Variants in CBFA2T2 observed in about 807,000 individuals in gnomAD.
CBFA2T2 encodes CBFA2/RUNX1 partner transcriptional co-repressor 2, also known as protein CBFA2T2.
A neutral mutation model predicts 62.2 loss-of-function variants in CBFA2T2; 11 were observed. The ratio of observed to expected loss-of-function variants is 0.18; its 90% CI spans 0.11 to 0.29. The LOEUF (loss-of-function observed/expected upper bound fraction) is 0.29. Ranked by LOEUF, CBFA2T2 falls within the 10% of genes least tolerant of loss-of-function variation. The probability of loss-of-function intolerance (pLI) is 1.00; values close to 1 mark genes in which losing one functional copy is unlikely to be tolerated. For synonymous variants in CBFA2T2, 295 were observed against 287.5 expected, an observed-to-expected ratio of 1.03 and a Z score of -0.27; for missense variants, 592 against 774.1, an observed-to-expected ratio of 0.76 and a Z score of 2.79.
chr20:33,509,822 C>CTT (rs779240592), intron 1 of CBFA2T2, among the ~76,000 whole-genome samples: 8 of 142,018 alleles, frequency 5.6e-5, no homozygotes, highest in African/African-American at 1.5e-4. Flanking sequence ...GAGTAAAACT[C>CTT]TTTTTTTTTT....
chr20:33,503,447 G>A (rs1283818151), intron 1 of CBFA2T2, among the ~76,000 whole-genome samples: 2 of 151,754 alleles, frequency 1.3e-5, no homozygotes, highest in African/African-American at 4.8e-5. Context: ...TAGAGACGGG[G>A]TTTCACCATG....
chr20:33,565,173 C>T (rs551985307), intron 1 of CBFA2T2, among the ~76,000 whole-genome samples: 1 of 152,316 alleles, frequency 6.6e-6, no homozygotes, highest in Non-Finnish European at 1.5e-5. Flanking sequence ...CCCGCCTTGG[C>T]CTCCCAAAGT....
chr20:33,622,335 A>C (rs564819613), intron 4 of CBFA2T2, among the ~76,000 whole-genome samples: 1 of 152,102 alleles, frequency 6.6e-6, no homozygotes, highest in Non-Finnish European at 1.5e-5. Context: ...CTCTCCTTTC[A>C]CTTGCTCATC....
intron 1 of CBFA2T2, among the ~76,000 whole-genome samples, chr20:33,571,985 G>C (rs1029769784): frequency 6.6e-6 from 1 of 152,168 alleles, no homozygotes; most frequent in African/African-American, 2.4e-5. Flanking sequence ...CCGCCTCCCA[G>C]GTTCAAACGA....
chr20:33,638,656 T>C (rs980065912), intron 9 of CBFA2T2: 4 of 152,254 alleles, frequency 2.6e-5, no homozygotes, highest in Non-Finnish European at 4.4e-5. Flanking sequence ...CTTGAGCCTG[T>C]GCCATGTGCA....
At chr20:33,530,485 T>G (rs1030718670) in intron 1 of CBFA2T2, among the ~76,000 whole-genome samples, 2 of 152,126 alleles carry the variant, frequency 1.3e-5, no homozygotes, top group Non-Finnish European at 2.9e-5. Context: ...TGGCACAATC[T>G]TGGCTCACTG....
chr20:33,518,908 G>T (rs537636756), intron 1 of CBFA2T2, among the ~76,000 whole-genome samples: 3 of 151,500 alleles, frequency 2.0e-5, no homozygotes, highest in Non-Finnish European at 4.4e-5. Context: ...TGCAACCTCC[G>T]TCTCCCGGGT....
At chr20:33,626,197 GCCACTGCA>G (rs1422240652) in intron 6 of CBFA2T2, among the ~76,000 whole-genome samples, 1 of 152,180 alleles carries the variant, frequency 6.6e-6, no homozygotes, top group African/African-American at 2.4e-5. Flanking sequence ...CCATGATGGT[GCCACTGCA>G]CTCCCCTCCT....
At chr20:33,529,743 T>TTTTATATATATA (rs1163402861) in intron 1 of CBFA2T2, among the ~76,000 whole-genome samples, 125 of 4,008 alleles carry the variant, frequency 0.031, 4 homozygotes, top group African/African-American at 0.036. Flanking sequence ...AAGAAAGCAG[T>TTTTATATATATA]TATATATATA....
intron 1 of CBFA2T2, among the ~76,000 whole-genome samples, chr20:33,569,944 A>G (rs1268669853): frequency 6.6e-6 from 1 of 152,156 alleles, no homozygotes; most frequent in African/African-American, 2.4e-5. Context: ...CTCTTGTCTC[A>G]GGTACTCAGA....
At chr20:33,509,972 C>T (rs991340316) in intron 1 of CBFA2T2, among the ~76,000 whole-genome samples, 1 of 151,892 alleles carries the variant, frequency 6.6e-6, no homozygotes, top group African/African-American at 2.4e-5. Flanking sequence ...CTGCCCCCTG[C>T]CCCCCACCCC....
At chr20:33,644,175 A>T (rs548830418) in intron 10 of CBFA2T2, among the ~76,000 whole-genome samples, 172 bp from the exon 11 acceptor site, 1 of 152,242 alleles carries the variant, frequency 6.6e-6, no homozygotes, top group South Asian at 2.1e-4. Flanking sequence ...TCAGAAAGGC[A>T]GTGTGTATTT....
At chr20:33,544,096 C>T (rs2146879746) in intron 1 of CBFA2T2, among the ~76,000 whole-genome samples, 1 of 152,252 alleles carries the variant, frequency 6.6e-6, no homozygotes, top group South Asian at 2.1e-4. Flanking sequence ...TCAATTTAGT[C>T]AGGTCATGTC....
At chr20:33,641,520 A>G (rs2016836449) in intron 10 of CBFA2T2, among the ~76,000 whole-genome samples, 1 of 152,218 alleles carries the variant, frequency 6.6e-6, no homozygotes, top group Non-Finnish European at 1.5e-5. Context: ...TCAGCTTTAA[A>G]ACAAGAAACC....
chr20:33,562,989 TGTGATGTTTA>T (rs2013145699), intron 1 of CBFA2T2, among the ~76,000 whole-genome samples: 1 of 152,256 alleles, frequency 6.6e-6, no homozygotes, highest in Non-Finnish European at 1.5e-5. Context: ...TGGATTGTTC[TGTGATGTTTA>T]GAGGGAATTT....
intron 10 of CBFA2T2, among the ~76,000 whole-genome samples, chr20:33,643,762 T>C (rs1157223339): frequency 2.2e-3 from 3 of 1,368 alleles, no homozygotes; most frequent in African/African-American, 0.011. Context: ...ACTATATATA[T>C]ATATATATAT....
chr20:33,591,467 CAAAAAAAA>C (rs11475752), intron 1 of CBFA2T2, among the ~76,000 whole-genome samples: 2 of 98,080 alleles, frequency 2.0e-5, no homozygotes, highest in Non-Finnish European at 2.2e-5. Flanking sequence ...GAGTAAATCT[CAAAAAAAA>C]AAAAAAAAAA....
At chr20:33,592,374 T>TATATA (rs375363639) in intron 1 of CBFA2T2, among the ~76,000 whole-genome samples, 2 of 142,984 alleles carry the variant, frequency 1.4e-5, no homozygotes, top group African/African-American at 2.6e-5. Context: ...AAAAAAAATT[T>TATATA]TATATATATA....
chr20:33,591,918 A>G (rs1224329944), intron 1 of CBFA2T2, among the ~76,000 whole-genome samples: 8 of 152,012 alleles, frequency 5.3e-5, no homozygotes, highest in Non-Finnish European at 1.0e-4. Context: ...CTCCATTTCC[A>G]AAAACGCTCC....
Sources: allele counts gnomAD v4.1 joint callset (sites outside exome capture counted in the v4.1 genomes callset), GRCh38; gene constraint gnomAD v4.1.1; transcripts MANE v1.5; gene names NCBI Gene and HGNC (gene_info 2026-07-23, HGNC 2026-07-21).